MACF1: variants seen among roughly 807,000 people sequenced by gnomAD.
The protein encoded by MACF1 is microtubule actin crosslinking factor 1.
A neutral mutation model predicts 854.8 loss-of-function variants in MACF1; 193 were observed. The observed-to-expected ratio is 0.23, with a 90% CI of 0.20 to 0.25. MACF1 has a LOEUF of 0.25. Among genes scored for constraint, MACF1 ranks in the 10% least tolerant of loss-of-function variants. The probability of loss-of-function intolerance (pLI) is 1.00; values close to 1 mark genes in which losing one functional copy is unlikely to be tolerated. For synonymous variants in MACF1, 3,185 were observed against 3,226.7 expected, an observed-to-expected ratio of 0.99 and a Z score of 0.44; for missense variants, 7,722 against 8,929.1, an observed-to-expected ratio of 0.86 and a Z score of 5.45.
At chr1:39,374,637 C>T (rs1417615337) in intron 52 of MACF1, among the ~76,000 whole-genome samples, 2 of 152,104 alleles carry the variant, frequency 1.3e-5, no homozygotes, top group Admixed American at 6.6e-5. Flanking sequence ...AAAGACAATA[C>T]ATTAATAGAA....
chr1:39,198,730 C>T (rs1206517788), intron 2 of MACF1, among the ~76,000 whole-genome samples: 1 of 151,144 alleles, frequency 6.6e-6, no homozygotes, highest in African/African-American at 2.4e-5. Context: ...GAGGCTGAGG[C>T]AGGAGAATTG....
chr1:39,343,897 C>T (rs1003287497), intron 40 of MACF1, among the ~76,000 whole-genome samples: 90 of 152,130 alleles, frequency 5.9e-4, no homozygotes, highest in Non-Finnish European at 9.3e-4. Context: ...GGGCGGATCA[C>T]CTGAGGTCGG....
chr1:39,252,813 C>G (rs1467853898), intron 4 of MACF1, among the ~76,000 whole-genome samples: 1 of 152,078 alleles, frequency 6.6e-6, no homozygotes, highest in African/African-American at 2.4e-5. Flanking sequence ...TATCCTGTGC[C>G]CAGAGAGGCC....
chr1:39,097,401 G>A (rs935140851), intron 2 of MACF1, among the ~76,000 whole-genome samples: 3 of 152,074 alleles, frequency 2.0e-5, no homozygotes, highest in Admixed American at 6.6e-5. Flanking sequence ...GACTGAAGTC[G>A]AGTTGCAATA....
intron 58 of MACF1, among the ~76,000 whole-genome samples, chr1:39,393,093 T>C (rs1381377753): frequency 6.6e-6 from 1 of 150,546 alleles, no homozygotes; most frequent in African/African-American, 2.5e-5. Flanking sequence ...TGTATGTGTC[T>C]AACAGGAGGC....
rs140531702 is a variant in MACF1, at chr1:39,293,750, GCATC to G, written c.2154+135_2154+138del. ...GATAGAAATAGGGGCCCTACTCAAT[GCATC>G]CATGCATGTGAGAAGTGTAAATGGA... On this transcript the variant is annotated intron_variant, in intron 18 of 100. Transcript: ENST00000564288. 1,421 of 708,214 alleles carry G rather than the reference GCATC, an allele frequency of 2.0e-3. 18 individuals are homozygous for G. In the African/African-American group the frequency reaches 0.023, roughly 12 times the overall value. The allele number at this position is 708,214 out of a possible 1,614,324, so 43.9% of individuals were successfully genotyped here. A position where few individuals can be genotyped will look rare whatever the true frequency, so the allele number is the denominator to read the frequency against.
intron 67 of MACF1, 104 bp downstream of exon 67, chr1:39,432,758 A>T (rs761069312): frequency 9.9e-6 from 12 of 1,217,678 alleles, no homozygotes; most frequent in Admixed American, 3.2e-5. Context: ...TAGTGGCATG[A>T]TGGTAAATAG....
chr1:39,481,705 T>G (rs1645015110), intron 99 of MACF1, among the ~76,000 whole-genome samples: 1 of 152,236 alleles, frequency 6.6e-6, no homozygotes, highest in African/African-American at 2.4e-5. Context: ...GAGCAGTGTT[T>G]TAGAAATAAA....
At chr1:39,470,616 AG>A (rs1644757633) in intron 97 of MACF1, among the ~76,000 whole-genome samples, 1 of 152,244 alleles carries the variant, frequency 6.6e-6, no homozygotes, top group Non-Finnish European at 1.5e-5. Context: ...ACTGCACTCC[AG>A]CCTGGGCAAC....
chr1:39,388,093 C>T lies in MACF1; in HGVS notation c.15251C>T (p.Ser5084Phe), dbSNP rs777088213. The change falls in exon 58 of 101, where the codon TCT becomes TTT. Residue 5084 changes from serine to phenylalanine, a missense_variant. Ser to Phe is a radical substitution (Grantham distance 155, BLOSUM62 -2). This residue lies in a region of MACF1 where 2,807 missense variants were observed against 3,235.8 expected (regional missense o/e 0.87). Transcript: ENST00000564288. The part of the protein sequence containing the change: ...QGLVEDAPDG[S>F]DASQLLHQAE... Reference sequence around the variant, plus strand: ...CTGGTAGAAGATGCCCCAGATGGATCTGATGCTTCTCAACTTCTCCACCAA... The same window carrying T: ...CTGGTAGAAGATGCCCCAGATGGATTTGATGCTTCTCAACTTCTCCACCAA... 1 of 1,614,076 alleles carries T rather than the reference C, an allele frequency of 6.2e-7. No homozygotes were observed. Among genetic ancestry groups the T allele is most frequent in the Non-Finnish European group, 8.5e-7 (1 of 1,180,020 alleles).
At chr1:39,318,204 G>A (rs1465984963) in intron 29 of MACF1, among the ~76,000 whole-genome samples, 1 of 152,020 alleles carries the variant, frequency 6.6e-6, no homozygotes, top group African/African-American at 2.4e-5. Context: ...GGATTATTGT[G>A]GGATGCTAGA....
At chr1:39,099,258 C>A (rs113603865) in intron 2 of MACF1, among the ~76,000 whole-genome samples, 1 of 152,060 alleles carries the variant, frequency 6.6e-6, no homozygotes, top group South Asian at 2.1e-4. Context: ...TGGGTTCAAG[C>A]GATTCTCCTG....
intron 2 of MACF1, among the ~76,000 whole-genome samples, chr1:39,104,312 G>T (rs1259034494): frequency 6.6e-6 from 1 of 152,172 alleles, no homozygotes; most frequent in Non-Finnish European, 1.5e-5. Flanking sequence ...ATACACAACC[G>T]AATGTTGGAT....
At chr1:39,160,101 A>G (rs526212) in intron 2 of MACF1, among the ~76,000 whole-genome samples, 152,167 of 152,250 alleles carry the variant, frequency 1, 76,042 homozygotes, top group Middle Eastern at 1. Flanking sequence ...GATCGCTTGA[A>G]CCCAGGAGTT....
intron 57 of MACF1, among the ~76,000 whole-genome samples, chr1:39,386,267 A>G (rs918861999): frequency 7.2e-6 from 1 of 139,608 alleles, no homozygotes. Flanking sequence ...TTTTAATATT[A>G]TGCATACCAC....
chr1:39,432,806 A>G, intron 67 of MACF1, 152 bp downstream of exon 67: 1 of 973,984 alleles, frequency 1.0e-6, no homozygotes, highest in Non-Finnish European at 1.4e-6. Flanking sequence ...GATGAGGAAG[A>G]ATTTTTTTTT....
chr1:39,296,250 C>T (rs1220953479), intron 20 of MACF1, among the ~76,000 whole-genome samples: 4 of 152,174 alleles, frequency 2.6e-5, no homozygotes, highest in South Asian at 2.1e-4. Flanking sequence ...CAAGAGAGAG[C>T]GAGTCCTAGA....
intron 2 of MACF1, among the ~76,000 whole-genome samples, chr1:39,137,943 A>G (rs1471882549): frequency 1.3e-5 from 2 of 151,624 alleles, no homozygotes; most frequent in African/African-American, 4.8e-5. Context: ...GCATGGTAGC[A>G]CGAGCCTATA....
intron 97 of MACF1, among the ~76,000 whole-genome samples, chr1:39,474,159 C>T (rs1256765939): frequency 1.1e-4 from 16 of 152,002 alleles, no homozygotes; most frequent in Non-Finnish European, 2.2e-4. Flanking sequence ...GAGGCCGAGG[C>T]GGGCAGATCA....
Sources: gnomAD v4.1 joint callset for allele counts (sites outside exome capture counted in the v4.1 genomes callset) on GRCh38, gnomAD v4.1.1 for gene constraint, gnomAD v4.1.1 regional missense constraint, MANE v1.5 for transcripts, NCBI Gene and HGNC (gene_info 2026-07-23, HGNC 2026-07-21) for gene names.